Variants in NME2 observed in about 807,000 individuals in gnomAD.
NME2 encodes nucleoside diphosphate kinase B.
A neutral mutation model predicts 17.8 loss-of-function variants in NME2; 18 were observed. The ratio of observed to expected loss-of-function variants is 1.01; its 90% confidence interval spans 0.70 to 1.50. NME2 has a LOEUF of 1.50. Ranked by LOEUF, NME2 falls within the 40% of genes most tolerant of loss-of-function variation. The probability of loss-of-function intolerance (pLI) is 0.00; values close to 1 mark genes in which losing one functional copy is unlikely to be tolerated. For synonymous variants in NME2, 74 were observed against 71.4 expected (o/e 1.04, Z -0.19); for missense variants, 161 against 195.6 (o/e 0.82, Z 1.05).
chr17:51,166,313 C>G (rs1285213265), upstream of NME2: 4 of 152,346 alleles, frequency 2.6e-5, no homozygotes, highest in African/African-American at 9.7e-5. Context: ...GGACACTGTT[C>G]TCCGGCCGCG....
intron 4 of NME2, among the ~76,000 whole-genome samples, chr17:51,171,066 TATGTC>T (rs2050060181): frequency 6.6e-6 from 1 of 152,178 alleles, no homozygotes; most frequent in South Asian, 2.1e-4. Flanking sequence ...TAAGCAGTGT[TATGTC>T]ATGGTTGGGC....
chr17:51,171,440 C>CTT, intron 4 of NME2, 47 bp from the exon 5 acceptor site: 2 of 1,571,396 alleles, frequency 1.3e-6, no homozygotes, highest in Non-Finnish European at 1.7e-6. Context: ...ATTAAACAGA[C>CTT]TTTTGCACTT....
Position 51,171,542 on chromosome 17 carries a change from T to C in NME2, c.397T>C (p.Trp133Arg). 6.2e-7 allele frequency: 1 copy of C among 1,613,842 alleles called. No homozygotes were observed. The highest frequency in any genetic ancestry group is 8.5e-7 in the Non-Finnish European group (1 of 1,179,778). ...AAGTGCTGAAAAAGAAATCAGCCTA[T>C]GGTTTAAGCCTGAAGAACTGGTTGA... is the stretch of plus-strand genomic sequence containing the variant. Reference protein sequence around the residue: ...VKSAEKEISLWFKPEELVDYK... With the variant: ...VKSAEKEISLRFKPEELVDYK... Residue 133 changes from tryptophan to arginine, a missense_variant, in exon 5 of 5, where the codon TGG becomes CGG. By Grantham distance (101) the Trp-to-Arg change is moderately radical. Transcript: ENST00000512737.
chr17:51,167,201 C>A, intron 2 of NME2: 2 of 825,344 alleles, frequency 2.4e-6, no homozygotes, highest in Non-Finnish European at 3.4e-6. Flanking sequence ...TTCCTTCCCG[C>A]GGGCCGCTAC....
At chr17:51,167,835 T>A (rs141504796) in intron 2 of NME2, among the ~76,000 whole-genome samples, 76 of 151,990 alleles carry the variant, frequency 5.0e-4, no homozygotes, top group African/African-American at 1.6e-3. Context: ...AATAAATAAA[T>A]AAAAATTAAT....
chr17:51,170,382 C>T (rs996352318), intron 4 of NME2, among the ~76,000 whole-genome samples: 16 of 151,832 alleles, frequency 1.1e-4, no homozygotes, highest in Admixed American at 3.3e-4. Flanking sequence ...TCAGGTGATC[C>T]GCCTGCCTCG....
Position 51,166,872 on chromosome 17 carries a change from C to A in NME2, c.42C>A (p.Asp14Glu). 9 of 1,613,708 alleles carry A rather than the reference C, an allele frequency of 5.6e-6. No individual in the cohort carries two copies. The highest frequency in any genetic ancestry group is 7.6e-6 in the Non-Finnish European group (9 of 1,179,796). ...GCACCTTCATCGCCATCAAGCCGGA[C>A]GGCGTGCAGCGCGGCCTGGTGGGCG... ...LERTFIAIKPDGVQRGLVGEI... is the reference protein window; with the variant it reads ...LERTFIAIKPEGVQRGLVGEI... Residue 14 changes from aspartate to glutamate, a missense_variant, in exon 2 of 5, where the codon GAC becomes GAA. Coordinates refer to ENST00000512737, the MANE Select transcript of NME2 (RefSeq NM_002512.4).
chr17:51,168,631 A>G (rs945097593), intron 3 of NME2, among the ~76,000 whole-genome samples: 2 of 152,056 alleles, frequency 1.3e-5, no homozygotes, highest in Non-Finnish European at 2.9e-5. Context: ...AGATCGTGCC[A>G]CTGCACTCCA....
At chr17:51,170,430 G>A (rs544999514) in intron 4 of NME2, among the ~76,000 whole-genome samples, 1 of 151,928 alleles carries the variant, frequency 6.6e-6, no homozygotes, top group Non-Finnish European at 1.5e-5. Context: ...ATGAGCCACC[G>A]CACTTGGCCT....
intron 2 of NME2, 25 bp downstream of exon 2, chr17:51,166,981 C>A: frequency 6.2e-7 from 1 of 1,610,430 alleles, no homozygotes; most frequent in Middle Eastern, 1.7e-4. Context: ...TCTCCCCTTC[C>A]CCGCTGCAGC....
At chr17:51,168,569 G>C (rs2049997144) in intron 3 of NME2, among the ~76,000 whole-genome samples, 2 of 152,216 alleles carry the variant, frequency 1.3e-5, no homozygotes, top group South Asian at 4.1e-4. Flanking sequence ...TACTTGGGAG[G>C]CTGAGGTAGG....
intron 3 of NME2, chr17:51,169,725 G>A (rs1156882961): frequency 2.0e-6 from 1 of 494,632 alleles, no homozygotes; most frequent in African/African-American, 2.0e-5. Flanking sequence ...AGCTAAACTG[G>A]GAAGTCCCCA....
intron 4 of NME2, among the ~76,000 whole-genome samples, chr17:51,171,202 C>T (rs1364814040): frequency 2.0e-5 from 3 of 152,016 alleles, no homozygotes; most frequent in Admixed American, 1.3e-4. Flanking sequence ...CCAAAATTTG[C>T]GGAGGAGTGT....
chr17:51,165,538 G>A (rs2144878261), upstream of NME2: 1 of 152,670 alleles, frequency 6.6e-6, no homozygotes, highest in East Asian at 1.9e-4. Flanking sequence ...ACCAAAGGGA[G>A]CTTGTTTGCC....
Position 51,171,469 on chromosome 17 carries a change from A to G in NME2, c.342-18A>G. On this transcript the variant is annotated intron_variant, in intron 4 of 4. Transcript: ENST00000512737. The stretch of plus-strand genomic sequence containing the variant: ...TGCACTTTAAAACATGGCAACTTGT[A>G]ATTGTTTTCTTTCTTAGGAACATCA... 6.2e-7 allele frequency: 1 copy of G among 1,608,338 alleles called. No individual in the cohort carries two copies. Among genetic ancestry groups the G allele is most frequent in the South Asian group, 1.1e-5 (1 of 90,798 alleles).
chr17:51,169,439 CAAAAAA>C (rs35598805), intron 3 of NME2: 2 of 99,148 alleles, frequency 2.0e-5, no homozygotes, highest in Non-Finnish European at 2.1e-5. Flanking sequence ...GACTCTGTCT[CAAAAAA>C]AAAAAAAAAA....
chr17:51,167,032 G>A, intron 2 of NME2, 76 bp downstream of exon 2: 1 of 1,606,750 alleles, frequency 6.2e-7, no homozygotes, highest in Admixed American at 1.7e-5. Flanking sequence ...CGGTTTGTCC[G>A]CGTCTGCTTT....
At chr17:51,166,668 A>G (rs2049945602) in intron 1 of NME2, 159 bp from the exon 2 acceptor site, 1 of 647,670 alleles carries the variant, frequency 1.5e-6, no homozygotes. Context: ...CGGGCTCCGC[A>G]GAGGGACGCC....
At chr17:51,171,395 T>G (rs2050065559) in intron 4 of NME2, 92 bp from the exon 5 acceptor site, 1 of 1,077,934 alleles carries the variant, frequency 9.3e-7, no homozygotes, top group Admixed American at 2.2e-5. Flanking sequence ...GCAATTTGGC[T>G]GAAAGAGTCT....
Sources: allele counts gnomAD v4.1 joint callset (sites outside exome capture counted in the v4.1 genomes callset), GRCh38; gene constraint gnomAD v4.1.1; transcripts MANE v1.5; gene names NCBI Gene and HGNC (gene_info 2026-07-23, HGNC 2026-07-21).